The following MIS18BP1 variants were observed in gnomAD, a reference collection of about 807,000 sequenced individuals.
The protein encoded by MIS18BP1 is MIS18 binding protein 1.
A neutral mutation model predicts 116.1 loss-of-function variants in MIS18BP1; 72 were observed. The ratio of observed to expected loss-of-function variants is 0.62; its 90% CI spans 0.51 to 0.75. MIS18BP1 has a LOEUF of 0.75. MIS18BP1 is among the 30% of genes least tolerant of loss of function. The pLI, the probability that MIS18BP1 is intolerant of heterozygous loss-of-function variation, is 0.00. For synonymous variants in MIS18BP1, 386 were observed against 427.0 expected (o/e 0.90, Z 1.18); for missense variants, 1,363 against 1,303.2 (o/e 1.05, Z -0.71).
intron 4 of MIS18BP1, 66 bp downstream of exon 4, chr14:45,241,968 A>G: frequency 6.7e-7 from 1 of 1,484,074 alleles, no homozygotes; most frequent in Non-Finnish European, 9.0e-7. Context: ...GAGAACATTA[A>G]AAGCTCAAGC....
intron 14 of MIS18BP1, chr14:45,210,067 T>G (rs970466458): frequency 1.0e-5 from 2 of 199,806 alleles, no homozygotes; most frequent in Admixed American, 1.2e-4. Context: ...AGAAAGACCA[T>G]CACTAATCTG....
At chr14:45,243,981 T>A (rs569833023) in intron 2 of MIS18BP1, among the ~76,000 whole-genome samples, 1 of 152,296 alleles carries the variant, frequency 6.6e-6, no homozygotes, top group South Asian at 2.1e-4. Context: ...TATTATTTCA[T>A]TTGCTTCTTC....
rs201159315 is a variant in MIS18BP1, at chr14:45,238,670, T to C, written c.1144-949A>G. ...CATAGTAAGATTCCAAAAAAAAGTT[T>C]AAAAATTAGCTGGGTGTGGTGGTAC... On this transcript the variant is annotated intron_variant, in intron 4 of 16. Transcript: ENST00000310806. Among the ~76,000 whole-genome samples the C allele has an allele frequency of 1.5e-4, 23 of 152,074 alleles. No individual in the cohort carries two copies. In the East Asian group the frequency reaches 4.1e-3, roughly 27 times the overall value.
At chr14:45,218,104 A>T (rs540783756) in intron 12 of MIS18BP1, among the ~76,000 whole-genome samples, 178 bp downstream of exon 12, 2 of 152,332 alleles carry the variant, frequency 1.3e-5, no homozygotes, top group South Asian at 2.1e-4. Flanking sequence ...TACTGATGGA[A>T]GCAGAGACCC....
chr14:45,206,193 T>C (rs1890512908), intron 14 of MIS18BP1, 23 bp from the exon 15 acceptor site: 1 of 1,491,340 alleles, frequency 6.7e-7, no homozygotes, highest in African/African-American at 1.4e-5. Flanking sequence ...GAAATAATTT[T>C]AAGTCAACAA....
At chr14:45,234,358 A>G (rs1416621843) in intron 6 of MIS18BP1, among the ~76,000 whole-genome samples, 1 of 152,226 alleles carries the variant, frequency 6.6e-6, no homozygotes, top group African/African-American at 2.4e-5. Flanking sequence ...AAATAAAAAA[A>G]AAAAGGAGAA....
intron 10 of MIS18BP1, among the ~76,000 whole-genome samples, chr14:45,226,044 T>C (rs1236416093): frequency 6.6e-6 from 1 of 152,230 alleles, no homozygotes; most frequent in Non-Finnish European, 1.5e-5. Flanking sequence ...TAACTCCTCA[T>C]ATAAATCCAA....
At position 45,211,180 on chromosome 14, in the gene MIS18BP1, T is replaced by C. The variant is rs116121531; in HGVS notation, c.3004-652A>G. ...ATGCTCCCATGCCTTATGCACATGT[T>C]TTTACCTAGACGCTTTTTAAGTGCA... On this transcript the variant is annotated intron_variant, in intron 13 of 16. Transcript: ENST00000310806. Among the ~76,000 whole-genome samples the C allele has an allele frequency of 3.0e-3, 462 of 152,308 alleles. 3 individuals are homozygous for C. Among genetic ancestry groups the C allele is most frequent in the African/African-American group, 0.011 (448 of 41,570 alleles).
At chr14:45,245,836 T>G (rs890445664) in intron 2 of MIS18BP1, among the ~76,000 whole-genome samples, 1 of 152,230 alleles carries the variant, frequency 6.6e-6, no homozygotes, top group Non-Finnish European at 1.5e-5. Flanking sequence ...CCTTGATCAC[T>G]TCTCTAAATT....
intron 8 of MIS18BP1, among the ~76,000 whole-genome samples, chr14:45,228,819 T>G (rs1891195961): frequency 6.6e-6 from 1 of 152,248 alleles, no homozygotes; most frequent in Non-Finnish European, 1.5e-5. Flanking sequence ...AGAGCAATAC[T>G]ATGATACACA....
chr14:45,215,536 C>T (rs1268186973), intron 13 of MIS18BP1, among the ~76,000 whole-genome samples: 1 of 151,816 alleles, frequency 6.6e-6, no homozygotes. Context: ...CCTCAGCCTC[C>T]CAAGTAGCTG....
intron 1 of MIS18BP1, among the ~76,000 whole-genome samples, chr14:45,251,276 G>T (rs1251407296): frequency 6.6e-6 from 1 of 152,034 alleles, no homozygotes; most frequent in Admixed American, 6.6e-5. Flanking sequence ...CAGGTTTGAA[G>T]CCCAGAATAG....
intron 11 of MIS18BP1, among the ~76,000 whole-genome samples, chr14:45,220,490 T>C (rs903884333): frequency 2.0e-5 from 3 of 152,120 alleles, no homozygotes; most frequent in Non-Finnish European, 4.4e-5. Flanking sequence ...TTTAGCAACA[T>C]CCCTCTTGGT....
chr14:45,241,916 G>C, intron 4 of MIS18BP1, 118 bp downstream of exon 4: 1 of 1,068,060 alleles, frequency 9.4e-7, no homozygotes, highest in Non-Finnish European at 1.4e-6. Context: ...TGTTAATAAT[G>C]AAGCATACAG....
chr14:45,228,261 T>C (rs1891179621), intron 8 of MIS18BP1, among the ~76,000 whole-genome samples: 1 of 152,346 alleles, frequency 6.6e-6, no homozygotes, highest in African/African-American at 2.4e-5. Flanking sequence ...AATCACTCTG[T>C]ATAGCGCTAC....
At position 45,224,367 on chromosome 14, in the gene MIS18BP1, G is replaced by A. The variant is rs1219750915; in HGVS notation, c.2220C>T (p.Asp740=). Residue 740 remains aspartate, a synonymous_variant, in exon 11 of 17, where the codon GAC becomes GAT. Coordinates refer to ENST00000310806, the MANE Select transcript of MIS18BP1 (RefSeq NM_018353.5). ...GTAATAGTCTGGTATTTTTCTTAAA[G>A]TCAGAGGTGAGCATTTGTTCCTTTT... is the stretch of plus-strand genomic sequence containing the variant. ...NLEKEQMLTS[D]FKKNTRLLPK... is the part of the protein sequence containing the mutation. 6.2e-7 allele frequency: 1 copy of A among 1,613,452 alleles called. No homozygotes were observed. Among genetic ancestry groups the A allele is most frequent in the East Asian group, 2.2e-5 (1 of 44,878 alleles).
chr14:45,224,401 G>C lies in MIS18BP1; in HGVS notation c.2186C>G (p.Ser729Cys). ...LLTVNRKIKISNLEKEQMLTS... is the reference protein window; with the variant it reads ...LLTVNRKIKICNLEKEQMLTS... Reference sequence around the variant, plus strand: ...GAGCATTTGTTCCTTTTCAAGGTTAGATATTTTTATTTTCCGGTTGACAGT... The same window carrying C: ...GAGCATTTGTTCCTTTTCAAGGTTACATATTTTTATTTTCCGGTTGACAGT... Residue 729 changes from serine (S) to cysteine (C), a missense_variant, in exon 11 of 17, where the codon TCT (serine) becomes TGT (cysteine). Physicochemically the swap from Ser to Cys is moderately radical, Grantham distance 112 (BLOSUM62 -1). Transcript: ENST00000310806. 8.7e-6 allele frequency: 14 copies of C among 1,613,738 alleles called. No homozygotes were observed. Among genetic ancestry groups the C allele is most frequent in the Non-Finnish European group, 1.2e-5 (14 of 1,179,890 alleles).
chr14:45,207,524 G>A lies in MIS18BP1; in HGVS notation c.3153-1354C>T, dbSNP rs185566270. 3.0e-4 allele frequency among the ~76,000 whole-genome samples: 45 copies of A among 152,158 alleles called. 1 individual carries two copies. The highest frequency in any genetic ancestry group is 2.2e-3 in the Admixed American group (34 of 15,284). On this transcript the variant is annotated intron_variant, in intron 14 of 16. Coordinates refer to ENST00000310806, the MANE Select transcript of MIS18BP1 (RefSeq NM_018353.5). ...AAATTAGCCAGGCACGGTGGCATGC[G>A]CCTGTAATCCCTGCTACTTGGGAGG...
chr14:45,238,293 T>A (rs1891481659), intron 4 of MIS18BP1, among the ~76,000 whole-genome samples: 1 of 152,130 alleles, frequency 6.6e-6, no homozygotes, highest in Non-Finnish European at 1.5e-5. Flanking sequence ...AAACATTTTA[T>A]GACAATCTAT....
Sources: allele counts gnomAD v4.1 joint callset (sites outside exome capture counted in the v4.1 genomes callset), GRCh38; gene constraint gnomAD v4.1.1; transcripts MANE v1.5; gene names NCBI Gene and HGNC (gene_info 2026-07-23, HGNC 2026-07-21).